The following KIF19 variants were observed in gnomAD, a reference collection of about 807,000 sequenced individuals.
The protein encoded by KIF19 is kinesin family member 19, also known as kinesin-like protein KIF19.
Under a neutral mutation model 106.6 loss-of-function variants are expected in KIF19, and 98 were observed. The ratio of observed to expected loss-of-function variants is 0.92; its 90% confidence interval spans 0.78 to 1.09. The LOEUF (loss-of-function observed/expected upper bound fraction) is 1.09, where lower values mean the gene tolerates loss of function less well. Among genes scored for constraint, KIF19 ranks in the 50% least tolerant of loss-of-function variants. The probability of loss-of-function intolerance (pLI) is 0.00; values close to 1 mark genes in which losing one functional copy is unlikely to be tolerated. For missense variants in KIF19, 1,373 were observed against 1,414.3 expected, an observed-to-expected ratio of 0.97 and a Z score of 0.47; for synonymous variants, 516 against 584.2, an observed-to-expected ratio of 0.88 and a Z score of 1.68.
chr17:74,328,791 C>A, intron 2 of KIF19: 1 of 319,966 alleles, frequency 3.1e-6, no homozygotes, highest in Non-Finnish European at 5.9e-6. Context: ...CCCTAATATG[C>A]CTGCTGCCCA....
At position 74,349,261 on chromosome 17, in the gene KIF19, C is replaced by T; in HGVS notation, c.1125C>T (p.Ile375=). Residue 375 remains isoleucine (I), a synonymous_variant, in exon 10 of 20, where the codon ATC becomes ATT. Transcript: ENST00000389916. ...TSIIADLRGE[I]QRLKRKIDEQ... is the part of the protein sequence containing the mutation. ...TCATCGCTGACCTGCGGGGCGAGAT[C>T]CAGCGACTCAAGCGCAAGATTGATG... 1.2e-6 allele frequency: 2 copies of T among 1,613,512 alleles called. No individual in the cohort carries two copies. Among genetic ancestry groups the T allele is most frequent in the Non-Finnish European group, 1.7e-6 (2 of 1,179,802 alleles).
intron 2 of KIF19, among the ~76,000 whole-genome samples, chr17:74,337,311 C>A (rs1407281643): frequency 6.7e-6 from 1 of 149,126 alleles, no homozygotes; most frequent in African/African-American, 2.5e-5. Context: ...CAGAAGCCTC[C>A]CCTAGTAGGG....
At position 74,349,287 on chromosome 17, in the gene KIF19, A is replaced by G. The variant is rs769779088; in HGVS notation, c.1151A>G (p.Glu384Gly). The G allele has an allele frequency of 6.2e-7, 1 of 1,613,048 alleles. No homozygotes were observed. The highest frequency in any genetic ancestry group is 8.5e-7 in the Non-Finnish European group (1 of 1,179,662). Residue 384 changes from glutamate (E) to glycine (G), a missense_variant, in exon 10 of 20, where the codon GAG becomes GGG. Transcript: ENST00000389916. ...CAGCGACTCAAGCGCAAGATTGATGAGCAGACTGGGCGGGGCCAGGCCCGG... is the reference window on the plus strand; with the variant it reads ...CAGCGACTCAAGCGCAAGATTGATGGGCAGACTGGGCGGGGCCAGGCCCGG... The part of the protein sequence containing the change: ...EIQRLKRKID[E>G]QTGRGQARGR...
chr17:74,350,682 G>C (rs1473701210), intron 11 of KIF19, 25 bp from the exon 12 acceptor site: 48 of 1,613,102 alleles, frequency 3.0e-5, no homozygotes, highest in Non-Finnish European at 4.0e-5. Context: ...TGAATGCCCT[G>C]TCTCTCTGGG....
chr17:74,341,879 G>T lies in KIF19; in HGVS notation c.124G>T (p.Val42Leu). The T allele has an allele frequency of 6.2e-7, 1 of 1,613,322 alleles. No homozygotes were observed. The highest frequency in any genetic ancestry group is 8.5e-7 in the Non-Finnish European group (1 of 1,179,428). Residue 42 changes from valine (V) to leucine (L), a missense_variant, in exon 3 of 20, where the codon GTG (valine) becomes TTG (leucine). By Grantham distance (32) the Val-to-Leu change is conservative (BLOSUM62 1). This residue lies in a region of KIF19 where 348 missense variants were observed against 389.5 expected (regional missense o/e 0.89). Coordinates refer to ENST00000389916, the MANE Select transcript of KIF19 (RefSeq NM_153209.4). ...LIAHKVDEQM[V>L]VLMDPMEDPD... ...CCTCCCTCTGGGGACCTTGCAGATG[G>T]TGGTTCTCATGGACCCAATGGAGGA... is the stretch of plus-strand genomic sequence containing the variant.
chr17:74,352,961 TG>T lies in KIF19; in HGVS notation c.2114+12del. 1.9e-6 allele frequency: 3 copies of T among 1,613,416 alleles called. No homozygotes were observed. The highest frequency in any genetic ancestry group is 3.3e-4 in the Middle Eastern group (2 of 6,058). On this transcript the variant is annotated splice_region_variant and intron_variant, in intron 15 of 19. Transcript: ENST00000389916. ...CTCCCCTCAGCACAGAGAGGTGAGA[TG>T]GGGGCCACCTGCCCCAGCCCCCACC... is the stretch of plus-strand genomic sequence containing the variant.
chr17:74,345,787 C>G (rs1386448527), intron 7 of KIF19, among the ~76,000 whole-genome samples: 2 of 152,098 alleles, frequency 1.3e-5, no homozygotes, highest in African/African-American at 4.8e-5. Flanking sequence ...CCAGTAAAGC[C>G]TGGGGGGCTT....
At chr17:74,353,335 C>A (rs1172120685) in intron 16 of KIF19, 34 bp downstream of exon 16, 1 of 1,525,968 alleles carries the variant, frequency 6.6e-7, no homozygotes, top group Admixed American at 2.0e-5. Context: ...CCCACGAGCT[C>A]CACTGCAGCG....
In KIF19 at chr17:74,331,578, A is replaced by AT. The variant is rs5822040; in HGVS notation, c.120+3086dup. ...TGGGGAAGCTGGAGTTCGGATTTGG[A>AT]TTTTTTTTTTTTTCTTGTGATGGAG... On this transcript the variant is annotated intron_variant, in intron 2 of 19. Coordinates refer to ENST00000389916, the MANE Select transcript of KIF19 (RefSeq NM_153209.4). This position sits in a 1 kb window ranked among gnomAD's most constrained non-coding sequence, Gnocchi z 4.1. Among the ~76,000 whole-genome samples, 53,694 of 145,242 alleles carry AT rather than the reference A, an allele frequency of 0.37. 10,105 individuals are homozygous for AT. The highest frequency in any genetic ancestry group is 0.53 in the Admixed American group (7,691 of 14,594).
chr17:74,352,484 C>T, intron 14 of KIF19, 144 bp downstream of exon 14: 1 of 1,104,852 alleles, frequency 9.1e-7, no homozygotes, highest in Non-Finnish European at 1.3e-6. Flanking sequence ...CCTTCTTACC[C>T]CACCCAAAGC....
chr17:74,341,946 C>T lies in KIF19; in HGVS notation c.191C>T (p.Ser64Phe). The T allele has an allele frequency of 6.2e-7, 1 of 1,613,598 alleles. No homozygotes were observed. Among genetic ancestry groups the T allele is most frequent in the Non-Finnish European group, 8.5e-7 (1 of 1,179,824 alleles). Residue 64 changes from serine (S) to phenylalanine (F), a missense_variant, in exon 3 of 20, where the codon TCC becomes TTC. Around this residue, in one of 3 missense-constraint regions of KIF19, gnomAD observed 348 missense variants for 389.5 expected, o/e 0.89. Transcript: ENST00000389916. ...CGGGCGCATCGCTCCCGGGAGAAGT[C>T]CTACCTGTTCGACGTGGCCTTTGAC... is the stretch of plus-strand genomic sequence containing the variant. ...ILRAHRSREK[S>F]YLFDVAFDFT...
At chr17:74,339,547 A>C (rs1041711801) in intron 2 of KIF19, among the ~76,000 whole-genome samples, 20 of 145,554 alleles carry the variant, frequency 1.4e-4, no homozygotes, top group African/African-American at 5.2e-4. Flanking sequence ...CCAATGAGAC[A>C]CCCATTCCCT....
chr17:74,352,450 C>A, intron 14 of KIF19, 110 bp downstream of exon 14: 2 of 1,359,872 alleles, frequency 1.5e-6, no homozygotes, highest in Admixed American at 2.7e-5. Flanking sequence ...GGCTGGCTGG[C>A]ACCCCAGGGA....
intron 2 of KIF19, among the ~76,000 whole-genome samples, chr17:74,330,082 C>T (rs370408658): frequency 1.2e-4 from 19 of 152,352 alleles, no homozygotes; most frequent in African/African-American, 4.3e-4. Flanking sequence ...TAGCAGCATC[C>T]TCATTTCTTT....
At chr17:74,336,952 A>G (rs990045353) in intron 2 of KIF19, among the ~76,000 whole-genome samples, 2 of 152,098 alleles carry the variant, frequency 1.3e-5, no homozygotes, top group Admixed American at 6.6e-5. Context: ...CAGCCCCCCA[A>G]GTAGCTGGGA....
At position 74,354,554 on chromosome 17, in the gene KIF19, C is replaced by A; in HGVS notation, c.2701C>A (p.Gln901Lys). ...RRSRSFEVTGQGLSHPKTHLL... is the reference protein window; with the variant it reads ...RRSRSFEVTGKGLSHPKTHLL... ...GTCCCGATCCTTCGAGGTCACCGGGCAAGGGGTGAGGCGAGGCGCAGGGGT... is the reference window on the plus strand; with the variant it reads ...GTCCCGATCCTTCGAGGTCACCGGGAAAGGGGTGAGGCGAGGCGCAGGGGT... The change falls in exon 18 of 20, where the codon CAA becomes AAA. Residue 901 changes from glutamine to lysine, a missense_variant. By Grantham distance (53) the Gln-to-Lys change is moderately conservative (BLOSUM62 1). This residue lies in a region of KIF19 where 1,020 missense variants were observed against 1,008.2 expected (regional missense o/e 1.01). Transcript: ENST00000389916. The A allele has an allele frequency of 2.5e-6, 4 of 1,593,752 alleles. No individual in the cohort carries two copies. Among genetic ancestry groups the A allele is most frequent in the Admixed American group, 1.8e-5 (1 of 56,930 alleles).
chr17:74,332,288 G>C (rs1225060203), intron 2 of KIF19, among the ~76,000 whole-genome samples: 2 of 150,840 alleles, frequency 1.3e-5, no homozygotes, highest in Admixed American at 6.6e-5. Flanking sequence ...GTAGCTCCTG[G>C]GGTGAGATCA....
chr17:74,347,860 C>G lies in KIF19; in HGVS notation c.1008C>G (p.Thr336=). ...ASSAFEESRN[T]LTYAGRAKNI... Reference sequence around the variant, plus strand: ...GTGCCTTCGAGGAGTCCCGGAACACCCTGACCTACGCCGGCCGGGCCAAGA... The same window carrying G: ...GTGCCTTCGAGGAGTCCCGGAACACGCTGACCTACGCCGGCCGGGCCAAGA... The change falls in exon 9 of 20, where the codon ACC becomes ACG. Residue 336 remains threonine, a synonymous_variant. Coordinates refer to ENST00000389916, the MANE Select transcript of KIF19 (RefSeq NM_153209.4). The G allele has an allele frequency of 6.3e-7, 1 of 1,586,184 alleles. No individual in the cohort carries two copies.
rs184810802 is a variant in KIF19 at position 74,340,337 on chromosome 17, C to T, written c.121-1539C>T. Reference sequence around the variant, plus strand: ...CCCTCCCATACCCTAGACTAGGGCCCCCAGCAAGGACGCAGCCTCCTTCCT... The same window carrying T: ...CCCTCCCATACCCTAGACTAGGGCCTCCAGCAAGGACGCAGCCTCCTTCCT... On this transcript the variant is annotated intron_variant, in intron 2 of 19. Transcript: ENST00000389916. 8.7e-4 allele frequency among the ~76,000 whole-genome samples: 133 copies of T among 152,292 alleles called. 1 individual carries two copies. The highest frequency in any genetic ancestry group is 3.1e-3 in the African/African-American group (127 of 41,566).
Sources: allele counts gnomAD v4.1 joint callset (sites outside exome capture counted in the v4.1 genomes callset), GRCh38; gene constraint gnomAD v4.1.1; regional missense constraint gnomAD v4.1.1; non-coding constraint Gnocchi (gnomAD v3.1); transcripts MANE v1.5; gene names NCBI Gene and HGNC (gene_info 2026-07-23, HGNC 2026-07-21).